The following XKR9 variants were observed in gnomAD, a reference collection of about 807,000 sequenced individuals.
The protein encoded by XKR9 is XK-related protein 9.
XKR9 carries 32 observed loss-of-function variants against 32.0 expected under a neutral mutation model. The ratio of observed to expected loss-of-function variants is 1.00; its 90% CI spans 0.76 to 1.34. The LOEUF (loss-of-function observed/expected upper bound fraction) is 1.34, where lower values mean the gene tolerates loss of function less well. Among genes scored for constraint, XKR9 ranks in the 40% most tolerant of loss-of-function variants. The pLI, the probability that XKR9 is intolerant of heterozygous loss-of-function variation, is 0.00. For missense variants in XKR9, 546 were observed against 429.7 expected (o/e 1.27, Z -2.39); for synonymous variants, 168 against 143.4 (o/e 1.17, Z -1.22).
At chr8:70,832,853 C>T in the XKR9 span, among the ~76,000 whole-genome samples, 1 of 152,198 alleles carries the variant, frequency 6.6e-6, no homozygotes, top group Non-Finnish European at 1.5e-5. Flanking sequence ...TGTTCGCCTT[C>T]TCCACCAGAA....
At chr8:70,744,511 G>A (rs1485719973) in intron 2 of XKR9, among the ~76,000 whole-genome samples, 23 of 152,060 alleles carry the variant, frequency 1.5e-4, no homozygotes, top group Admixed American at 1.4e-3. Flanking sequence ...CCAATCTCAG[G>A]CTTTTTCACC....
chr8:71,048,263 C>T, the XKR9 span, among the ~76,000 whole-genome samples: 2 of 152,316 alleles, frequency 1.3e-5, no homozygotes, highest in South Asian at 4.1e-4. Context: ...GTGCATTTCT[C>T]TCTTTCTCCC....
the XKR9 span, among the ~76,000 whole-genome samples, chr8:70,922,665 G>T: frequency 6.6e-6 from 1 of 152,190 alleles, no homozygotes; most frequent in Non-Finnish European, 1.5e-5. Flanking sequence ...TGTGCAGTCT[G>T]TCAAACCAAC....
At chr8:70,802,088 C>A in the XKR9 span, among the ~76,000 whole-genome samples, 1 of 152,006 alleles carries the variant, frequency 6.6e-6, no homozygotes, top group Non-Finnish European at 1.5e-5. Context: ...AGGCGCCCAC[C>A]ACCACGCCCG....
chr8:70,808,924 G>C, the XKR9 span, among the ~76,000 whole-genome samples: 1 of 152,258 alleles, frequency 6.6e-6, no homozygotes, highest in Admixed American at 6.5e-5. Context: ...AAATGTCCCT[G>C]TCTGACAGCT....
intron 4 of XKR9, among the ~76,000 whole-genome samples, chr8:70,732,199 G>A (rs570524783): frequency 6.6e-6 from 1 of 152,206 alleles, no homozygotes; most frequent in African/African-American, 2.4e-5. Context: ...CCATCATGGG[G>A]CTACCGAACC....
At chr8:70,973,386 T>C in the XKR9 span, among the ~76,000 whole-genome samples, 2 of 152,272 alleles carry the variant, frequency 1.3e-5, no homozygotes, top group African/African-American at 4.8e-5. Context: ...GCTCTATCAA[T>C]TTTATTTATC....
chr8:70,982,240 T>A, the XKR9 span, among the ~76,000 whole-genome samples: 1 of 152,158 alleles, frequency 6.6e-6, no homozygotes, highest in Non-Finnish European at 1.5e-5. Flanking sequence ...GGCAGGGCCA[T>A]AGAGTTCCCA....
In XKR9 at chr8:70,706,223, C is replaced by T. The variant is rs370965032; in HGVS notation, c.273-710C>T. On this transcript the variant is annotated intron_variant, in intron 3 of 4. Transcript: ENST00000408926. Reference sequence around the variant, plus strand: ...TCAGATTTCTTCTAAATAAATGTTTCAATTTTTTTTGTTATCGATTTTATC... The same window carrying T: ...TCAGATTTCTTCTAAATAAATGTTTTAATTTTTTTTGTTATCGATTTTATC... Among the ~76,000 whole-genome samples the T allele has an allele frequency of 1.1e-3, 174 of 152,126 alleles. 5 individuals are homozygous for T. The South Asian group carries it at 0.035, about 31-fold the overall frequency.
the XKR9 span, among the ~76,000 whole-genome samples, chr8:70,895,057 C>G: frequency 1.3e-5 from 2 of 152,188 alleles, no homozygotes; most frequent in Non-Finnish European, 2.9e-5. Flanking sequence ...CTCCAGGCAG[C>G]TACCTCAGTT....
chr8:70,785,733 C>A (rs1004953268), intron 2 of XKR9, among the ~76,000 whole-genome samples: 34 of 112,154 alleles, frequency 3.0e-4, no homozygotes, highest in Non-Finnish European at 5.3e-4. Context: ...CTCTCTCTCT[C>A]TCTCTCTATA....
intron 3 of XKR9, chr8:70,683,364 T>C (rs1221773708): frequency 1.6e-5 from 5 of 315,242 alleles, no homozygotes; most frequent in Non-Finnish European, 3.1e-5. Flanking sequence ...CCACTAGATA[T>C]TATTATGTAT....
chr8:71,037,938 C>A, the XKR9 span, among the ~76,000 whole-genome samples: 1 of 152,124 alleles, frequency 6.6e-6, no homozygotes, highest in Admixed American at 6.5e-5. Flanking sequence ...ACAACAAAAA[C>A]ATAAAAATGT....
the XKR9 span, among the ~76,000 whole-genome samples, chr8:70,900,596 A>AAATG: frequency 0.063 from 9,547 of 150,834 alleles, 419 homozygotes; most frequent in Non-Finnish European, 0.089. Flanking sequence ...CTAAAAAATT[A>AAATG]AATGAATAAA....
At chr8:70,697,119 T>C (rs1586825597) in intron 3 of XKR9, among the ~76,000 whole-genome samples, 1 of 150,792 alleles carries the variant, frequency 6.6e-6, no homozygotes, top group South Asian at 2.1e-4. Flanking sequence ...TACAATCATG[T>C]CATCTGCAAA....
chr8:70,707,124 T>G lies in XKR9; in HGVS notation c.464T>G (p.Leu155Arg). The G allele has an allele frequency of 1.2e-6, 2 of 1,613,228 alleles. No individual in the cohort carries two copies. The highest frequency in any genetic ancestry group is 8.5e-7 in the Non-Finnish European group (1 of 1,179,326). ...PQLILQLYIL[L>R]EHGQANFSQY... ...CTTATTCTTCAACTCTACATTCTTC[T>G]GGAGCATGGACAAGCGAATTTCAGT... is the stretch of plus-strand genomic sequence containing the variant. Residue 155 changes from leucine to arginine, a missense_variant, in exon 4 of 5, where the codon CTG (leucine) becomes CGG (arginine). By Grantham distance (102) the Leu-to-Arg change is moderately radical. Transcript: ENST00000408926.
Position 70,707,117 on chromosome 8 carries a change from A to T in XKR9, c.457A>T (p.Ile153Phe). The T allele has an allele frequency of 6.2e-7, 1 of 1,613,320 alleles. No homozygotes were observed. Among genetic ancestry groups the T allele is most frequent in the Non-Finnish European group, 8.5e-7 (1 of 1,179,420 alleles). Residue 153 changes from isoleucine (I) to phenylalanine (F), a missense_variant, in exon 4 of 5, where the codon ATT (isoleucine) becomes TTT (phenylalanine). Coordinates refer to ENST00000408926, the MANE Select transcript of XKR9 (RefSeq NM_001011720.2). ...CCCACAACTTATTCTTCAACTCTAC[A>T]TTCTTCTGGAGCATGGACAAGCGAA... Reference protein sequence around the residue: ...GCPQLILQLYILLEHGQANFS... With the variant: ...GCPQLILQLYFLLEHGQANFS...
At chr8:70,670,057 A>C (rs1278052295) in intron 1 of XKR9, among the ~76,000 whole-genome samples, 1 of 152,214 alleles carries the variant, frequency 6.6e-6, no homozygotes, top group Non-Finnish European at 1.5e-5. Flanking sequence ...CATCCGACTT[A>C]ACGCCCTTAA....
intron 2 of XKR9, among the ~76,000 whole-genome samples, chr8:70,758,357 A>G (rs1266375222): frequency 2.6e-5 from 4 of 152,166 alleles, no homozygotes; most frequent in African/African-American, 4.8e-5. Flanking sequence ...TGTTTATAAT[A>G]ACACCCTGGA....
Sources: gnomAD v4.1 joint callset for allele counts (sites outside exome capture counted in the v4.1 genomes callset) on GRCh38, gnomAD v4.1.1 for gene constraint, MANE v1.5 for transcripts, NCBI Gene and HGNC (gene_info 2026-07-23, HGNC 2026-07-21) for gene names.